Variants in RASGRP3 observed in about 807,000 individuals in gnomAD.
RASGRP3 encodes ras guanyl-releasing protein 3.
RASGRP3 carries 54 observed loss-of-function variants against 82.7 expected under a neutral mutation model. The ratio of observed to expected loss-of-function variants is 0.65; its 90% CI spans 0.52 to 0.82. The LOEUF is 0.82. Ranked by LOEUF, RASGRP3 falls within the 40% of genes least tolerant of loss-of-function variation. The pLI, the probability that RASGRP3 is intolerant of heterozygous loss-of-function variation, is 0.00. For synonymous variants in RASGRP3, 309 were observed against 300.5 expected (o/e 1.03, Z -0.29); for missense variants, 861 against 828.9 (o/e 1.04, Z -0.48).
intron 1 of RASGRP3, among the ~76,000 whole-genome samples, chr2:33,502,512 T>TTG (rs1200146520): frequency 6.6e-6 from 1 of 151,184 alleles, no homozygotes; most frequent in African/African-American, 2.4e-5. Flanking sequence ...TTTTTTTTTT[T>TTG]TTTGAGATGG....
At chr2:33,507,683 G>A (rs1045712012) in intron 1 of RASGRP3, among the ~76,000 whole-genome samples, 5 of 152,104 alleles carry the variant, frequency 3.3e-5, no homozygotes, top group South Asian at 4.1e-4. Flanking sequence ...GTGCCACCAC[G>A]CCTGGCTACT....
chr2:33,537,972 C>T (rs561213795), intron 11 of RASGRP3, among the ~76,000 whole-genome samples: 44 of 152,294 alleles, frequency 2.9e-4, no homozygotes, highest in Middle Eastern at 6.8e-3. Flanking sequence ...AGTGCTTAAG[C>T]GTATTGAGCA....
chr2:33,456,321 G>T (rs938200098), intron 2 of RASGRP3, among the ~76,000 whole-genome samples: 2 of 151,606 alleles, frequency 1.3e-5, no homozygotes, highest in Non-Finnish European at 2.9e-5. Context: ...TGATTATTGA[G>T]ATATTAATGT....
intron 17 of RASGRP3, among the ~76,000 whole-genome samples, chr2:33,561,009 A>G (rs1323638691): frequency 6.6e-6 from 1 of 152,086 alleles, no homozygotes; most frequent in African/African-American, 2.4e-5. Context: ...TTTCCTGGAA[A>G]TTGAACTTTT....
chr2:33,506,596 C>G lies in RASGRP3; in HGVS notation c.-260-5114C>G, dbSNP rs368639291. 5.3e-5 allele frequency among the ~76,000 whole-genome samples: 8 copies of G among 152,140 alleles called. No individual in the cohort carries two copies. The East Asian group carries it at 5.8e-4, about 11-fold the overall frequency. ...CAGGACAATGTTGATTATTAATTCC[C>G]CATTAACTTAGTGAAATCTCTTTTC... is the stretch of plus-strand genomic sequence containing the variant. On this transcript the variant is annotated intron_variant, in intron 1 of 17. Coordinates refer to ENST00000403687, the MANE Select transcript of RASGRP3 (RefSeq NM_001139488.2).
rs531360442 is a variant in RASGRP3 at position 33,524,615 on chromosome 2, C to T, written c.807+67C>T. On this transcript the variant is annotated intron_variant, in intron 9 of 17. Coordinates refer to ENST00000403687, the MANE Select transcript of RASGRP3 (RefSeq NM_001139488.2). ...TTGTAAATTGTTCAGGTTTAGTATA[C>T]GCCTAACAAATGTCACTCAGAGTGG... The T allele has an allele frequency of 2.0e-3, 2,376 of 1,201,464 alleles. 2 individuals carry two copies. Among genetic ancestry groups the T allele is most frequent in the Non-Finnish European group, 2.4e-3 (2,047 of 849,318 alleles). The allele number at this position is 1,201,464 out of a possible 1,614,324, so 74.4% of individuals were successfully genotyped here. A position where few individuals can be genotyped will look rare whatever the true frequency, so the allele number is the denominator to read the frequency against.
At chr2:33,485,569 T>C (rs1039759020) in intron 1 of RASGRP3, among the ~76,000 whole-genome samples, 1 of 152,246 alleles carries the variant, frequency 6.6e-6, no homozygotes, top group African/African-American at 2.4e-5. Context: ...GCTGATTAAC[T>C]AGCAGTGACA....
chr2:33,490,931 G>A (rs1466592912), intron 1 of RASGRP3, among the ~76,000 whole-genome samples: 1 of 152,216 alleles, frequency 6.6e-6, no homozygotes, highest in Admixed American at 6.5e-5. Context: ...GAATGATTTG[G>A]ATACTGGGCC....
At chr2:33,488,200 G>A (rs920655834) in intron 1 of RASGRP3, among the ~76,000 whole-genome samples, 1 of 152,142 alleles carries the variant, frequency 6.6e-6, no homozygotes, top group African/African-American at 2.4e-5. Flanking sequence ...CAGCCTTTGA[G>A]TAACTATCAA....
chr2:33,544,171 G>A (rs1439355984), intron 13 of RASGRP3, among the ~76,000 whole-genome samples: 1 of 152,040 alleles, frequency 6.6e-6, no homozygotes, highest in Non-Finnish European at 1.5e-5. Flanking sequence ...AAAATTCACT[G>A]GGCATGGTGG....
chr2:33,437,130 T>A (rs191269367), intron 1 of RASGRP3, among the ~76,000 whole-genome samples: 1 of 152,320 alleles, frequency 6.6e-6, no homozygotes, highest in East Asian at 1.9e-4. Context: ...AAATGGAGAA[T>A]CTTCTAGAAC....
chr2:33,472,262 C>T (rs1667101580), upstream of RASGRP3, among the ~76,000 whole-genome samples: 3 of 152,282 alleles, frequency 2.0e-5, no homozygotes, highest in African/African-American at 2.4e-5. Flanking sequence ...AACACAGACA[C>T]ATGTAGACCT....
At chr2:33,538,125 A>T (rs923369913) in intron 11 of RASGRP3, among the ~76,000 whole-genome samples, 2 of 152,236 alleles carry the variant, frequency 1.3e-5, no homozygotes, top group African/African-American at 4.8e-5. Context: ...ATGGATTGTT[A>T]TATAAAAGTT....
chr2:33,540,354 CAG>C (rs1219095248), intron 12 of RASGRP3, among the ~76,000 whole-genome samples: 3 of 146,182 alleles, frequency 2.1e-5, no homozygotes, highest in African/African-American at 7.3e-5. Flanking sequence ...GTGGTAGTAA[CAG>C]ACCCAGCTTG....
chr2:33,537,726 A>C (rs777216168), intron 11 of RASGRP3, among the ~76,000 whole-genome samples: 1 of 152,200 alleles, frequency 6.6e-6, no homozygotes, highest in Non-Finnish European at 1.5e-5. Flanking sequence ...ACCAGCAAAA[A>C]TGTTGACATT....
chr2:33,458,126 G>A (rs931632398), intron 2 of RASGRP3: 2 of 151,978 alleles, frequency 1.3e-5, no homozygotes, highest in African/African-American at 4.8e-5. Flanking sequence ...AGACCATCTG[G>A]GCCAGTAAGT....
chr2:33,488,745 A>T (rs993321482), intron 1 of RASGRP3, among the ~76,000 whole-genome samples: 2 of 152,238 alleles, frequency 1.3e-5, no homozygotes, highest in African/African-American at 2.4e-5. Flanking sequence ...ATTATGTCAA[A>T]TTCTGACATG....
intron 1 of RASGRP3, among the ~76,000 whole-genome samples, chr2:33,442,670 A>G (rs1665289611): frequency 6.6e-6 from 1 of 152,246 alleles, no homozygotes; most frequent in South Asian, 2.1e-4. Flanking sequence ...ATTCATCAGC[A>G]GCAGGAAACA....
chr2:33,536,039 A>C (rs149177259), intron 11 of RASGRP3, among the ~76,000 whole-genome samples: 161 of 152,256 alleles, frequency 1.1e-3, no homozygotes, highest in African/African-American at 3.7e-3. Context: ...ACAGTGGCTC[A>C]CACCTGTAAT....
Sources: gnomAD v4.1 joint callset for allele counts (sites outside exome capture counted in the v4.1 genomes callset) on GRCh38, gnomAD v4.1.1 for gene constraint, MANE v1.5 for transcripts, NCBI Gene and HGNC (gene_info 2026-07-23, HGNC 2026-07-21) for gene names.